Variants in KIAA1217 observed in about 807,000 individuals in gnomAD.
KIAA1217 encodes KIAA1217.
In KIAA1217, 88 loss-of-function variants were observed where a neutral mutation model predicts 163.9. The observed-to-expected ratio is 0.54, with a 90% CI of 0.45 to 0.64. The LOEUF is 0.64. KIAA1217 is among the 30% of genes least tolerant of loss of function. The pLI, the probability that KIAA1217 is intolerant of heterozygous loss-of-function variation, is 0.00. For synonymous variants in KIAA1217, 903 were observed against 923.1 expected, an observed-to-expected ratio of 0.98 and a Z score of 0.39; for missense variants, 2,372 against 2,475.0, an observed-to-expected ratio of 0.96 and a Z score of 0.88.
At chr10:24,243,725 TTGTG>T in intron 2 of KIAA1217, among the ~76,000 whole-genome samples, 1 of 151,924 alleles carries the variant, frequency 6.6e-6, no homozygotes, top group Non-Finnish European at 1.5e-5. Flanking sequence ...ATATGTGTGT[TTGTG>T]TGTATATATA....
chr10:24,203,061 G>A (rs1195517560), intron 2 of KIAA1217, among the ~76,000 whole-genome samples: 1 of 151,838 alleles, frequency 6.6e-6, no homozygotes. Flanking sequence ...ATGGTGGAGT[G>A]TGCCTGTAGT....
At chr10:23,765,850 G>A (rs1045806183) in intron 1 of KIAA1217, among the ~76,000 whole-genome samples, 7 of 152,170 alleles carry the variant, frequency 4.6e-5, no homozygotes, top group African/African-American at 2.4e-5. Context: ...GTCTCAGAGA[G>A]TTCTTTATAG....
intron 2 of KIAA1217, among the ~76,000 whole-genome samples, chr10:24,152,090 C>T (rs767538945): frequency 3.3e-5 from 5 of 152,144 alleles, no homozygotes; most frequent in African/African-American, 7.2e-5. Context: ...GCATGGCTCT[C>T]TCCTTCTTTT....
At chr10:23,832,849 G>A (rs867875854) in intron 1 of KIAA1217, among the ~76,000 whole-genome samples, 1 of 152,088 alleles carries the variant, frequency 6.6e-6, no homozygotes, top group African/African-American at 2.4e-5. Flanking sequence ...GGCTGGGAAG[G>A]CCTCACAATC....
chr10:24,010,131 C>G (rs1847175543), intron 2 of KIAA1217, among the ~76,000 whole-genome samples: 2 of 151,760 alleles, frequency 1.3e-5, no homozygotes, highest in African/African-American at 4.8e-5. Context: ...TCTAGCTTCC[C>G]ATCCTTTAGC....
At chr10:23,967,049 T>G (rs886633298) in intron 1 of KIAA1217, among the ~76,000 whole-genome samples, 5 of 151,908 alleles carry the variant, frequency 3.3e-5, no homozygotes, top group Admixed American at 2.6e-4. Context: ...AATAAAGAAT[T>G]ATTAAGTTTT....
At chr10:23,898,657 T>TGTGC (rs1841814570) in intron 1 of KIAA1217, among the ~76,000 whole-genome samples, 1 of 152,068 alleles carries the variant, frequency 6.6e-6, no homozygotes, top group East Asian at 1.9e-4. Context: ...TCCATATTGT[T>TGTGC]AAATATATTC....
At chr10:24,375,174 G>A (rs11014067) in intron 2 of KIAA1217, among the ~76,000 whole-genome samples, 26,214 of 152,134 alleles carry the variant, frequency 0.17, 2,719 homozygotes, top group East Asian at 0.37. Context: ...GAGGAAGAAG[G>A]CCTCAGCTGA....
At chr10:24,411,063 C>T (rs1354939193) in intron 3 of KIAA1217, among the ~76,000 whole-genome samples, 2 of 152,160 alleles carry the variant, frequency 1.3e-5, no homozygotes, top group Non-Finnish European at 2.9e-5. Context: ...GACCTGAAGT[C>T]AGCAAAGATA....
At chr10:23,921,552 G>T (rs991174338) in intron 1 of KIAA1217, among the ~76,000 whole-genome samples, 3 of 152,162 alleles carry the variant, frequency 2.0e-5, no homozygotes, top group Non-Finnish European at 2.9e-5. Context: ...CTTAAGCTTT[G>T]CCAGGGAAAT....
At chr10:24,438,508 T>C (rs2060239203) in intron 5 of KIAA1217, 29 bp downstream of exon 5, 2 of 1,455,148 alleles carry the variant, frequency 1.4e-6, no homozygotes, top group Admixed American at 1.7e-5. Context: ...TTTTTACTTA[T>C]CTTCAGTGGG....
Position 24,473,265 on chromosome 10 carries a change from C to T in KIAA1217, c.884C>T (p.Pro295Leu). The change falls in exon 6 of 21, where the codon CCT (proline) becomes CTT (leucine). Residue 295 changes from proline (P) to leucine (L), a missense_variant. Pro to Leu is a moderately conservative substitution (Grantham distance 98). Around this residue, in one of 3 missense-constraint regions of KIAA1217, gnomAD observed 1,431 missense variants for 1,470.3 expected, o/e 0.97. Transcript: ENST00000376454. ...CTTGTTTATGCAAGAGGAGATGGCCCTGGGGCCCCTCGCCCCGGATCTACT... is the reference window on the plus strand; with the variant it reads ...CTTGTTTATGCAAGAGGAGATGGCCTTGGGGCCCCTCGCCCCGGATCTACT... Reference protein sequence around the residue: ...RELVYARGDGPGAPRPGSTAH... With the variant: ...RELVYARGDGLGAPRPGSTAH... 1 of 1,520,712 alleles carries T rather than the reference C, an allele frequency of 6.6e-7. No homozygotes were observed. The highest frequency in any genetic ancestry group is 8.8e-7 in the Non-Finnish European group (1 of 1,135,738). 94.2% of individuals were successfully genotyped at this position (1,520,712 alleles called of 1,614,324 possible). A position where few individuals can be genotyped will look rare whatever the true frequency, so the allele number is the denominator to read the frequency against.
At chr10:23,725,833 C>T (rs982182833) in intron 1 of KIAA1217, among the ~76,000 whole-genome samples, 4 of 152,148 alleles carry the variant, frequency 2.6e-5, no homozygotes, top group Admixed American at 1.3e-4. Flanking sequence ...AGAATAGTAG[C>T]GTTCCAATTC....
chr10:23,915,512 A>G (rs1170261808), intron 1 of KIAA1217, among the ~76,000 whole-genome samples: 1 of 152,176 alleles, frequency 6.6e-6, no homozygotes, highest in East Asian at 1.9e-4. Flanking sequence ...TGTTTAGTTC[A>G]CAGTATTCTA....
chr10:23,716,021 C>G (rs1046827790), intron 1 of KIAA1217, among the ~76,000 whole-genome samples: 2 of 152,110 alleles, frequency 1.3e-5, no homozygotes, highest in African/African-American at 4.8e-5. Context: ...ATACAAATAG[C>G]ATGTTTCAGT....
At chr10:23,896,678 T>C (rs188277543) in intron 1 of KIAA1217, among the ~76,000 whole-genome samples, 1 of 152,202 alleles carries the variant, frequency 6.6e-6, no homozygotes, top group Admixed American at 6.5e-5. Flanking sequence ...TCCTAAAGGT[T>C]GGGTTAATCT....
rs143755643 is a variant in KIAA1217, at chr10:23,737,263, A to G, written c.-321+42029A>G. ...TCATCAGGCTGGAGCACAGTGCATG[A>G]TCTCAGCTCACTGCCACCTCTGCCT... On this transcript the variant is annotated intron_variant, in intron 1 of 18. Coordinates refer to the KIAA1217 transcript ENST00000376462. 4.3e-3 allele frequency among the ~76,000 whole-genome samples: 658 copies of G among 152,236 alleles called. 2 individuals carry two copies. The highest frequency in any genetic ancestry group is 0.02 in the South Asian group (96 of 4,820).
chr10:24,373,859 G>A (rs780408708), intron 2 of KIAA1217, among the ~76,000 whole-genome samples: 57 of 152,192 alleles, frequency 3.7e-4, no homozygotes, highest in African/African-American at 7.0e-4. Context: ...TGAGCTGCCC[G>A]TGGGCAGCGG....
chr10:23,992,070 C>G (rs1242210600), intron 1 of KIAA1217, among the ~76,000 whole-genome samples: 2 of 152,122 alleles, frequency 1.3e-5, no homozygotes, highest in Non-Finnish European at 2.9e-5. Context: ...GGGCTCTCTT[C>G]TGGTAAAATT....
Sources: gnomAD v4.1 joint callset for allele counts (sites outside exome capture counted in the v4.1 genomes callset) on GRCh38, gnomAD v4.1.1 for gene constraint, gnomAD v4.1.1 regional missense constraint, MANE v1.5 for transcripts, NCBI Gene and HGNC (gene_info 2026-07-23, HGNC 2026-07-21) for gene names.